The following PDE3A variants were observed in gnomAD, a reference collection of about 807,000 sequenced individuals.
PDE3A encodes the protein cGMP-inhibited 3',5'-cyclic phosphodiesterase 3A.
Under a neutral mutation model 98.3 loss-of-function variants are expected in PDE3A, and 43 were observed. The observed-to-expected ratio is 0.44, with a 90% CI of 0.34 to 0.56. PDE3A has a LOEUF of 0.56. Ranked by LOEUF, PDE3A falls within the 20% of genes least tolerant of loss-of-function variation. The probability of loss-of-function intolerance (pLI) is 0.01; values close to 1 mark genes in which losing one functional copy is unlikely to be tolerated. For synonymous variants in PDE3A, 663 were observed against 567.9 expected, an observed-to-expected ratio of 1.17 and a Z score of -2.38; for missense variants, 1,427 against 1,440.7, an observed-to-expected ratio of 0.99 and a Z score of 0.15.
chr12:20,663,795 G>T (rs1427843493), intron 15 of PDE3A, among the ~76,000 whole-genome samples: 1 of 152,110 alleles, frequency 6.6e-6, no homozygotes, highest in South Asian at 2.1e-4. Context: ...GGTTAATGCT[G>T]GAATGAGTTA....
chr12:20,434,321 G>A (rs943557577), intron 1 of PDE3A, among the ~76,000 whole-genome samples: 2 of 152,056 alleles, frequency 1.3e-5, no homozygotes, highest in African/African-American at 2.4e-5. Context: ...CTTGGAGTTC[G>A]TTTTCATTGA....
chr12:20,587,895 A>C (rs1309144241), intron 2 of PDE3A, among the ~76,000 whole-genome samples: 2 of 152,234 alleles, frequency 1.3e-5, no homozygotes, highest in African/African-American at 4.8e-5. Context: ...AAAGGCTTTA[A>C]AGTTGCTTTT....
At chr12:20,451,505 C>A (rs1276186947) in intron 1 of PDE3A, among the ~76,000 whole-genome samples, 1 of 152,160 alleles carries the variant, frequency 6.6e-6, no homozygotes, top group Non-Finnish European at 1.5e-5. Flanking sequence ...AACTCCTGGC[C>A]TCAAGTGATC....
rs1280908190 is a variant in PDE3A at position 20,681,434 on chromosome 12, G to C, written c.*1163G>C. 2 of 152,170 alleles carry C rather than the reference G, an allele frequency of 1.3e-5. No individual in the cohort carries two copies. The highest frequency in any genetic ancestry group is 4.8e-5 in the African/African-American group (2 of 41,444). 9.4% of individuals were successfully genotyped at this position (152,170 alleles called of 1,614,324 possible). The stretch of plus-strand genomic sequence containing the variant: ...AATTTGCTGCAAAATATGTGGTAGA[G>C]AAAGAAAAGGAAACAGAAAAATCAC... On this transcript the variant is annotated 3_prime_UTR_variant, in exon 16 of 16. Coordinates refer to ENST00000359062, the MANE Select transcript of PDE3A (RefSeq NM_000921.5).
intron 1 of PDE3A, among the ~76,000 whole-genome samples, chr12:20,543,251 GGTTT>G (rs1426819523): frequency 1.7e-5 from 2 of 119,416 alleles, no homozygotes; most frequent in Non-Finnish European, 3.9e-5. Context: ...AAGTTTATTT[GGTTT>G]GTTTGTTTTT....
chr12:20,510,532 A>T (rs1565572569), intron 1 of PDE3A, among the ~76,000 whole-genome samples: 2 of 152,066 alleles, frequency 1.3e-5, no homozygotes. Flanking sequence ...GAGGGACTTG[A>T]GTGTGTATGC....
chr12:20,530,159 C>A (rs1946598019), intron 1 of PDE3A, among the ~76,000 whole-genome samples: 1 of 152,226 alleles, frequency 6.6e-6, no homozygotes, highest in African/African-American at 2.4e-5. Flanking sequence ...TCTTTCACTT[C>A]CCACAGTTGG....
chr12:20,523,380 A>G (rs1302296171), intron 1 of PDE3A, among the ~76,000 whole-genome samples: 2 of 152,202 alleles, frequency 1.3e-5, no homozygotes, highest in South Asian at 2.1e-4. Flanking sequence ...AGCATACACA[A>G]TTCTGCTTAG....
intron 1 of PDE3A, among the ~76,000 whole-genome samples, chr12:20,470,378 G>A (rs1255131673): frequency 6.6e-6 from 1 of 152,076 alleles, no homozygotes; most frequent in African/African-American, 2.4e-5. Context: ...AGGGAAGTGA[G>A]AATTCATCAT....
Position 20,555,298 on chromosome 12 carries a change from G to A in PDE3A, c.961-1362G>A, listed in dbSNP as rs367730816. Among the ~76,000 whole-genome samples the A allele has an allele frequency of 7.2e-5, 11 of 152,288 alleles. No individual in the cohort carries two copies. In the South Asian group the frequency reaches 8.3e-4, roughly 11 times the overall value. On this transcript the variant is annotated intron_variant, in intron 1 of 15. Transcript: ENST00000359062. ...CTAAATACTAGGATTACAGGCATAA[G>A]CCACTGCGCCCCGGCCTCTAATGGA...
At chr12:20,526,927 T>C (rs935320007) in intron 1 of PDE3A, among the ~76,000 whole-genome samples, 6 of 144,552 alleles carry the variant, frequency 4.2e-5, no homozygotes, top group African/African-American at 1.5e-4. Flanking sequence ...TGTGTGTGTG[T>C]GTGTGTTTGA....
chr12:20,450,404 C>T (rs982032557), intron 1 of PDE3A, among the ~76,000 whole-genome samples: 1 of 152,156 alleles, frequency 6.6e-6, no homozygotes, highest in African/African-American at 2.4e-5. Flanking sequence ...GTGCCATATT[C>T]TTGAACCTTT....
intron 1 of PDE3A, among the ~76,000 whole-genome samples, chr12:20,454,311 T>A (rs1945117749): frequency 6.6e-6 from 1 of 152,218 alleles, no homozygotes; most frequent in Admixed American, 6.5e-5. Context: ...TCCTCATGAA[T>A]ACGCTTACCC....
intron 10 of PDE3A, among the ~76,000 whole-genome samples, chr12:20,640,241 A>C (rs897083757): frequency 6.6e-6 from 1 of 152,164 alleles, no homozygotes. Flanking sequence ...TGTTAGGATC[A>C]AATAAGATTA....
At chr12:20,463,701 A>G (rs1054827945) in intron 1 of PDE3A, among the ~76,000 whole-genome samples, 6 of 152,188 alleles carry the variant, frequency 3.9e-5, no homozygotes, top group African/African-American at 1.4e-4. Context: ...GTCTCTCAAT[A>G]TATTTTTAAA....
intron 5 of PDE3A, among the ~76,000 whole-genome samples, chr12:20,624,692 A>G (rs1360104788): frequency 2.0e-5 from 3 of 152,228 alleles, no homozygotes; most frequent in East Asian, 3.9e-4. Context: ...GCTGAATCCA[A>G]CTAATTAAAT....
intron 15 of PDE3A, among the ~76,000 whole-genome samples, chr12:20,665,643 A>G (rs1008929575): frequency 6.6e-6 from 1 of 152,154 alleles, no homozygotes; most frequent in African/African-American, 2.4e-5. Context: ...AGAAGCAAAT[A>G]ATTTTCCAAA....
chr12:20,400,063 CTTCT>C (rs762374787), intron 1 of PDE3A, among the ~76,000 whole-genome samples: 24 of 151,928 alleles, frequency 1.6e-4, no homozygotes, highest in Non-Finnish European at 2.6e-4. Flanking sequence ...GTGTTTTCTT[CTTCT>C]TTGAGACATC....
At chr12:20,609,719 G>A (rs1160397881) in intron 2 of PDE3A, among the ~76,000 whole-genome samples, 1 of 151,936 alleles carries the variant, frequency 6.6e-6, no homozygotes. Flanking sequence ...CAATGGAACA[G>A]GATAGAGAGC....
Sources: allele counts gnomAD v4.1 joint callset (sites outside exome capture counted in the v4.1 genomes callset), GRCh38; gene constraint gnomAD v4.1.1; transcripts MANE v1.5; gene names NCBI Gene and HGNC (gene_info 2026-07-23, HGNC 2026-07-21).